Variants in MMP27 observed in about 807,000 individuals in gnomAD.
MMP27 encodes matrix metallopeptidase 27.
Under a neutral mutation model 48.1 loss-of-function variants are expected in MMP27, and 51 were observed. That is an observed-to-expected ratio of 1.06 (90% confidence interval 0.85 to 1.34). MMP27 has a LOEUF of 1.34. Ranked by LOEUF, MMP27 falls within the 40% of genes most tolerant of loss-of-function variation. The pLI is 0.00. For synonymous variants in MMP27, 229 were observed against 208.9 expected (o/e 1.10, Z -0.83); for missense variants, 698 against 619.3 (o/e 1.13, Z -1.35).
Position 102,692,994 on chromosome 11 carries a change from ACT to A in MMP27, c.1239_1240del (p.Arg413SerfsTer13), listed in dbSNP as rs769618976. ...ACTGATTCCAGGAAAGTGTTTTACC[ACT>A]CTCTGCGGGAACCCTTTGTCCATGG... On this transcript the variant is annotated frameshift_variant, in exon 9 of 10. Transcript: ENST00000260229. LOFTEE classifies it high-confidence loss of function. The A allele has an allele frequency of 3.7e-6, 6 of 1,613,474 alleles. No individual in the cohort carries two copies. The African/African-American group carries it at 8.0e-5, about 22-fold the overall frequency.
intron 1 of MMP27, among the ~76,000 whole-genome samples, chr11:102,705,238 A>G (rs1861024193): frequency 6.6e-6 from 1 of 152,224 alleles, no homozygotes; most frequent in Non-Finnish European, 1.5e-5. Flanking sequence ...GGAATCTGTA[A>G]AGCAATGTAT....
chr11:102,696,482 G>C lies in MMP27; in HGVS notation c.791C>G (p.Pro264Arg). Residue 264 changes from proline (P) to arginine (R), a missense_variant, in exon 6 of 10, where the codon CCT becomes CGT. Physicochemically the swap from Pro to Arg is moderately radical, Grantham distance 103. Transcript: ENST00000260229. ...TTCCTTTGGCTTAGCAGGTTCCTTA[G>C]GCAGACCTCCTTTGATGAGAAAAAA... is the stretch of plus-strand genomic sequence containing the variant. The part of the protein sequence containing the change: ...NGIQSIYGGL[P>R]KEPAKPKEPT... The C allele has an allele frequency of 6.2e-7, 1 of 1,613,300 alleles. No individual in the cohort carries two copies. The highest frequency in any genetic ancestry group is 1.1e-5 in the South Asian group (1 of 90,964).
chr11:102,704,866 C>T, intron 1 of MMP27, 91 bp from the exon 2 acceptor site: 3 of 750,528 alleles, frequency 4.0e-6, no homozygotes, highest in Non-Finnish European at 6.4e-6. Flanking sequence ...GCCTAAAATT[C>T]CTTCTGGCAA....
chr11:102,697,589 A>T lies in MMP27; in HGVS notation c.620-754T>A, dbSNP rs79166367. On this transcript the variant is annotated intron_variant, in intron 4 of 9. Transcript: ENST00000260229. ...TGATTACAGCTCACTGCAGCTTCAA[A>T]CTCCTAGGCTTGGACAATCCTCCTC... 9.2e-3 allele frequency among the ~76,000 whole-genome samples: 1,404 copies of T among 151,866 alleles called. 17 individuals carry two copies. The highest frequency in any genetic ancestry group is 0.028 in the African/African-American group (1,166 of 41,390).
At chr11:102,693,793 T>A (rs1221779822) in intron 8 of MMP27, 113 bp downstream of exon 8, 5 of 960,500 alleles carry the variant, frequency 5.2e-6, no homozygotes, top group Admixed American at 5.8e-5. Flanking sequence ...TCAAAAAAAA[T>A]AAAAAAATAA....
chr11:102,695,767 A>G (rs2134264557), intron 6 of MMP27, among the ~76,000 whole-genome samples: 1 of 152,332 alleles, frequency 6.6e-6, no homozygotes, highest in East Asian at 1.9e-4. Flanking sequence ...CTATAAAAAT[A>G]TGGTCATGGT....
intron 4 of MMP27, among the ~76,000 whole-genome samples, chr11:102,700,342 C>G (rs1388229835): frequency 6.6e-6 from 1 of 152,172 alleles, no homozygotes; most frequent in African/African-American, 2.4e-5. Flanking sequence ...ACATTCATAG[C>G]TTTTCAAATA....
chr11:102,692,990 T>C lies in MMP27; in HGVS notation c.1245A>G (p.Val415=). 3 of 1,613,914 alleles carry C rather than the reference T, an allele frequency of 1.9e-6. No homozygotes were observed. The highest frequency in any genetic ancestry group is 2.5e-6 in the Non-Finnish European group (3 of 1,179,848). ...TMDKGFPQRV[V]KHFPGISIRV... ...GGATACTGATTCCAGGAAAGTGTTT[T>C]ACCACTCTCTGCGGGAACCCTTTGT... The change falls in exon 9 of 10, where the codon GTA becomes GTG. Residue 415 remains valine, a synonymous_variant. Transcript: ENST00000260229.
In MMP27 at chr11:102,696,431, G is replaced by C; in HGVS notation, c.842C>G (p.Pro281Arg). 6.2e-7 allele frequency: 1 copy of C among 1,613,886 alleles called. No individual in the cohort carries two copies. Among genetic ancestry groups the C allele is most frequent in the Non-Finnish European group, 8.5e-7 (1 of 1,179,874 alleles). The change falls in exon 6 of 10, where the codon CCT becomes CGT. Residue 281 changes from proline to arginine, a missense_variant. Physicochemically the swap from Pro to Arg is moderately radical, Grantham distance 103 (BLOSUM62 -2). Transcript: ENST00000260229. Reference protein sequence around the residue: ...KEPTIPHACDPDLTFDAITTF... With the variant: ...KEPTIPHACDRDLTFDAITTF... ...TGTGATAGCGTCAAAAGTCAAGTCAGGGTCACAGGCATGGGGTATAGTGGG... is the reference window on the plus strand; with the variant it reads ...TGTGATAGCGTCAAAAGTCAAGTCACGGTCACAGGCATGGGGTATAGTGGG...
chr11:102,704,444 T>G, intron 2 of MMP27, 93 bp downstream of exon 2: 1 of 965,984 alleles, frequency 1.0e-6, no homozygotes, highest in Admixed American at 2.0e-5. Flanking sequence ...ACACAGGAAG[T>G]GCTCAGTCAA....
chr11:102,695,094 G>A lies in MMP27; in HGVS notation c.906C>T (p.His302=), dbSNP rs1375195781. The change falls in exon 7 of 10, where the codon CAC becomes CAT. Residue 302 remains histidine, a synonymous_variant. Transcript: ENST00000260229. ...TGATATCATAATAGATCCTCCATAG[G>A]TGCCTGTGTTAAACAAAAAACACTT... is the stretch of plus-strand genomic sequence containing the variant. ...RREVMFFKGR[H]LWRIYYDITD... The A allele has an allele frequency of 6.2e-7, 1 of 1,613,078 alleles. No individual in the cohort carries two copies. The highest frequency in any genetic ancestry group is 8.5e-7 in the Non-Finnish European group (1 of 1,179,416).
chr11:102,704,773 T>A lies in MMP27; in HGVS notation c.105A>T (p.Ala35=). 1 of 1,573,444 alleles carries A rather than the reference T, an allele frequency of 6.4e-7. No individual in the cohort carries two copies. Among genetic ancestry groups the A allele is most frequent in the Non-Finnish European group, 8.7e-7 (1 of 1,154,046 alleles). The change falls in exon 2 of 10, where the codon GCA becomes GCT. Residue 35 remains alanine (A), a splice_region_variant and synonymous_variant. Coordinates refer to ENST00000260229, the MANE Select transcript of MMP27 (RefSeq NM_022122.3). ...ENEENMQLAQ[A]YLNQFYSLEI... ...CAAGAGAGTAGAACTGGTTGAGATA[T>A]GCCTGACCAAAAAGATAAGAAAAAA...
In MMP27 at chr11:102,702,772, G is replaced by A. The variant is rs1163251760; in HGVS notation, c.600C>T (p.Asn200=). 6.2e-7 allele frequency: 1 copy of A among 1,613,078 alleles called. No homozygotes were observed. Among genetic ancestry groups the A allele is most frequent in the Admixed American group, 1.7e-5 (1 of 59,662 alleles). ...ACTCACCTGCTCCATCCTTGGTCCA[G>A]TTTTCATCCTCATCAAAATGAGTGT... ...GGDTHFDEDE[N]WTKDGAGFNL... is the part of the protein sequence containing the mutation. The change falls in exon 4 of 10, where the codon AAC becomes AAT. Residue 200 remains asparagine (N), a synonymous_variant. Transcript: ENST00000260229.
Position 102,704,818 on chromosome 11 carries a change from C to T in MMP27, c.103-43G>A, listed in dbSNP as rs779374175. 5.3e-6 allele frequency: 7 copies of T among 1,327,914 alleles called. No individual in the cohort carries two copies. The African/African-American group carries it at 6.0e-5, about 11-fold the overall frequency. 82.3% of individuals were successfully genotyped at this position (1,327,914 alleles called of 1,614,324 possible). A position where few individuals can be genotyped will look rare whatever the true frequency, so the allele number is the denominator to read the frequency against. On this transcript the variant is annotated intron_variant, in intron 1 of 9. Transcript: ENST00000260229. ...AAAAAAAAAAAAGAGGCACAGACTA[C>T]AGGAGAGCAAATCTCCATCTCAGGA...
At chr11:102,696,563 C>T (rs1860832096) in intron 5 of MMP27, 72 bp from the exon 6 acceptor site, 11 of 1,582,048 alleles carry the variant, frequency 7.0e-6, no homozygotes, top group Non-Finnish European at 9.4e-6. Flanking sequence ...AGGGTCTTAC[C>T]TAAGTGGATA....
Position 102,695,067 on chromosome 11 carries a change from C to T in MMP27, c.933G>A (p.Thr311=), listed in dbSNP as rs775697885. The T allele has an allele frequency of 1.4e-5, 22 of 1,613,750 alleles. No individual in the cohort carries two copies. The highest frequency in any genetic ancestry group is 8.3e-5 in the Admixed American group (5 of 59,980). Residue 311 remains threonine (T), a synonymous_variant, in exon 7 of 10, where the codon ACG becomes ACA. Transcript: ENST00000260229. The part of the protein sequence containing the change: ...RHLWRIYYDI[T]DVEFELIASF... ...AAGCAATTAATTCAAACTCAACATC[C>T]GTGATATCATAATAGATCCTCCATA...
At chr11:102,693,757 C>G (rs889126924) in intron 8 of MMP27, 149 bp downstream of exon 8, 2 of 598,090 alleles carry the variant, frequency 3.3e-6, no homozygotes, top group African/African-American at 3.9e-5. Context: ...TACACTCTAG[C>G]CTGGGAGACA....
chr11:102,704,664 A>G lies in MMP27; in HGVS notation c.214T>C (p.Leu72=). The change falls in exon 2 of 10, where the codon TTG becomes CTG. Residue 72 remains leucine, a synonymous_variant. Coordinates refer to ENST00000260229, the MANE Select transcript of MMP27 (RefSeq NM_022122.3). ...GAGTCCAGTTTTCCAGTCACTGTCA[A>G]TCCAAAAAATGCTTGCATTTCCCGA... The part of the protein sequence containing the change: ...KIREMQAFFG[L]TVTGKLDSNT... 1 of 1,614,078 alleles carries G rather than the reference A, an allele frequency of 6.2e-7. No individual in the cohort carries two copies. The highest frequency in any genetic ancestry group is 8.5e-7 in the Non-Finnish European group (1 of 1,179,980).
At position 102,696,475 on chromosome 11, in the gene MMP27, T is replaced by G. The variant is rs1565426524; in HGVS notation, c.798A>C (p.Glu266Asp). 6.2e-7 allele frequency: 1 copy of G among 1,613,460 alleles called. No individual in the cohort carries two copies. The highest frequency in any genetic ancestry group is 1.1e-5 in the South Asian group (1 of 90,974). The change falls in exon 6 of 10, where the codon GAA becomes GAC. Residue 266 changes from glutamate (E) to aspartate (D), a missense_variant. Physicochemically the swap from Glu to Asp is conservative, Grantham distance 45 (BLOSUM62 2). Transcript: ENST00000260229. The part of the protein sequence containing the change: ...IQSIYGGLPK[E>D]PAKPKEPTIP... ...TAGTGGGTTCCTTTGGCTTAGCAGGTTCCTTAGGCAGACCTCCTTTGATGA... is the reference window on the plus strand; with the variant it reads ...TAGTGGGTTCCTTTGGCTTAGCAGGGTCCTTAGGCAGACCTCCTTTGATGA...
Sources: allele counts gnomAD v4.1 joint callset (sites outside exome capture counted in the v4.1 genomes callset), GRCh38; gene constraint gnomAD v4.1.1; transcripts MANE v1.5; gene names NCBI Gene and HGNC (gene_info 2026-07-23, HGNC 2026-07-21).